The following NOL4 variants were observed in gnomAD, a reference collection of about 807,000 sequenced individuals.
NOL4 encodes cancer/testis antigen 125.
A neutral mutation model predicts 75.9 loss-of-function variants in NOL4; 17 were observed. The ratio of observed to expected loss-of-function variants is 0.22; its 90% confidence interval spans 0.15 to 0.34. The LOEUF is 0.34. Ranked by LOEUF, NOL4 falls within the 10% of genes least tolerant of loss-of-function variation. The pLI, the probability that NOL4 is intolerant of heterozygous loss-of-function variation, is 1.00. For synonymous variants in NOL4, 292 were observed against 289.9 expected, an observed-to-expected ratio of 1.01 and a Z score of -0.07; for missense variants, 614 against 793.5, an observed-to-expected ratio of 0.77 and a Z score of 2.72.
chr18:33,878,161 G>A (rs1021817233), intron 10 of NOL4, among the ~76,000 whole-genome samples: 1 of 152,062 alleles, frequency 6.6e-6, no homozygotes, highest in African/African-American at 2.4e-5. Context: ...AGTCAGGAAG[G>A]ACTTTGGGAG....
chr18:34,161,207 T>G (rs2031422494), intron 1 of NOL4, among the ~76,000 whole-genome samples: 1 of 152,176 alleles, frequency 6.6e-6, no homozygotes, highest in Non-Finnish European at 1.5e-5. Context: ...ATTTTCTTTA[T>G]CCATCTGTTG....
intron 9 of NOL4, among the ~76,000 whole-genome samples, chr18:33,891,986 T>C (rs562798821): frequency 1.3e-5 from 2 of 152,160 alleles, no homozygotes. Flanking sequence ...ATCTGGTCCA[T>C]AGTGACTTTT....
rs1406748999 is a variant in NOL4, at chr18:34,223,055, G to A, written c.199C>T (p.Pro67Ser). 6.2e-7 allele frequency: 1 copy of A among 1,613,806 alleles called. No individual in the cohort carries two copies. The highest frequency in any genetic ancestry group is 8.5e-7 in the Non-Finnish European group (1 of 1,180,022). ...CCGCCTCCCCCGCGGACCTCGTCCG[G>A]CTGGCCCAGCTGGAAGCCCTTCGAT... ...VKSKGFQLGQPDEVRGGGGGA... is the reference protein window; with the variant it reads ...VKSKGFQLGQSDEVRGGGGGA... The change falls in exon 1 of 11, where the codon CCG (proline) becomes TCG (serine). Residue 67 changes from proline (P) to serine (S), a missense_variant. Physicochemically the swap from Pro to Ser is moderately conservative, Grantham distance 74. Transcript: ENST00000261592.
intron 10 of NOL4, among the ~76,000 whole-genome samples, chr18:33,872,866 G>T (rs2063763667): frequency 6.6e-6 from 1 of 151,998 alleles, no homozygotes; most frequent in Non-Finnish European, 1.5e-5. Flanking sequence ...ATTTAAAATA[G>T]GAAAATACTT....
intron 5 of NOL4, among the ~76,000 whole-genome samples, chr18:34,074,527 G>T (rs532621066): frequency 1.3e-5 from 2 of 151,704 alleles, no homozygotes; most frequent in East Asian, 3.9e-4. Flanking sequence ...CATTTTTTAT[G>T]CTTATCTAAA....
At chr18:33,893,113 A>C (rs375133530) in intron 9 of NOL4, among the ~76,000 whole-genome samples, 98 of 152,302 alleles carry the variant, frequency 6.4e-4, no homozygotes, top group Middle Eastern at 3.4e-3. Context: ...TTAAAAATCT[A>C]TAAGAGATTA....
At chr18:34,100,031 T>C (rs1450701259) in intron 4 of NOL4, among the ~76,000 whole-genome samples, 1 of 131,154 alleles carries the variant, frequency 7.6e-6, no homozygotes, top group Admixed American at 8.6e-5. Context: ...TCAAACATCC[T>C]TAGTCTTGCT....
At chr18:34,002,010 G>A (rs1413974932) in intron 6 of NOL4, among the ~76,000 whole-genome samples, 1 of 152,076 alleles carries the variant, frequency 6.6e-6, no homozygotes, top group Non-Finnish European at 1.5e-5. Context: ...ACCTACCTTA[G>A]TGACTTGTAG....
At chr18:34,219,077 T>C (rs960371765) in intron 1 of NOL4, among the ~76,000 whole-genome samples, 8 of 152,184 alleles carry the variant, frequency 5.3e-5, no homozygotes, top group Non-Finnish European at 8.8e-5. Flanking sequence ...GCAAGAACAA[T>C]ATGAAATCTG....
chr18:34,032,754 T>C (rs1009204480), intron 5 of NOL4, among the ~76,000 whole-genome samples: 3 of 152,062 alleles, frequency 2.0e-5, no homozygotes, highest in Non-Finnish European at 2.9e-5. Flanking sequence ...GGCTCAAGAA[T>C]AGGTTTACCT....
chr18:34,090,223 T>C (rs1397915138), intron 5 of NOL4, among the ~76,000 whole-genome samples: 1 of 152,116 alleles, frequency 6.6e-6, no homozygotes, highest in Non-Finnish European at 1.5e-5. Context: ...AATATAATTA[T>C]GGTAAAAAGT....
In NOL4 at chr18:33,996,991, T is replaced by C. The variant is rs753487428; in HGVS notation, c.1056+22327A>G. Reference sequence around the variant, plus strand: ...CTTAGTTTAAGTTCCTTACGCATTCTGGATGTTGAACTTTTGTCAGATGCA... The same window carrying C: ...CTTAGTTTAAGTTCCTTACGCATTCCGGATGTTGAACTTTTGTCAGATGCA... On this transcript the variant is annotated intron_variant, in intron 6 of 10. Coordinates refer to ENST00000261592, the MANE Select transcript of NOL4 (RefSeq NM_003787.5). Among the ~76,000 whole-genome samples, 21 of 151,954 alleles carry C rather than the reference T, an allele frequency of 1.4e-4. 1 individual carries two copies. Among genetic ancestry groups the C allele is most frequent in the Admixed American group, 2.6e-4 (4 of 15,228 alleles).
chr18:33,864,133 T>C (rs1248432697), intron 10 of NOL4, among the ~76,000 whole-genome samples: 1 of 152,158 alleles, frequency 6.6e-6, no homozygotes, highest in African/African-American at 2.4e-5. Flanking sequence ...AAACCATTTG[T>C]TCCTCCTAGA....
chr18:33,876,240 A>T (rs2063928017), intron 10 of NOL4, among the ~76,000 whole-genome samples: 1 of 152,026 alleles, frequency 6.6e-6, no homozygotes, highest in African/African-American at 2.4e-5. Flanking sequence ...TATTTTAATG[A>T]CATTTGTTTT....
chr18:33,939,993 C>T (rs911184279), intron 9 of NOL4, among the ~76,000 whole-genome samples: 17 of 151,972 alleles, frequency 1.1e-4, no homozygotes, highest in Admixed American at 5.9e-4. Context: ...AAATCAAAAC[C>T]ACAATGAGAT....
At chr18:33,867,056 C>T (rs1380625969) in intron 10 of NOL4, among the ~76,000 whole-genome samples, 2 of 152,086 alleles carry the variant, frequency 1.3e-5, no homozygotes, top group South Asian at 2.1e-4. Flanking sequence ...CATAATTCAA[C>T]TTCATTTCTC....
At chr18:33,931,373 C>T (rs773522318) in intron 9 of NOL4, among the ~76,000 whole-genome samples, 20 of 152,118 alleles carry the variant, frequency 1.3e-4, no homozygotes, top group Non-Finnish European at 2.8e-4. Flanking sequence ...AAGTTTACTA[C>T]AAGCCCCGAC....
intron 9 of NOL4, among the ~76,000 whole-genome samples, chr18:33,888,694 G>GA (rs1373150143): frequency 3.3e-5 from 5 of 152,042 alleles, no homozygotes; most frequent in African/African-American, 9.7e-5. Context: ...CCTATTGCTT[G>GA]TTTTTGTCAG....
At chr18:34,116,181 G>T (rs1322341990) in intron 2 of NOL4, among the ~76,000 whole-genome samples, 1 of 151,994 alleles carries the variant, frequency 6.6e-6, no homozygotes, top group Admixed American at 6.6e-5. Flanking sequence ...TCAGCCTCTG[G>T]AGCAATAACA....
Sources: gnomAD v4.1 joint callset for allele counts (sites outside exome capture counted in the v4.1 genomes callset) on GRCh38, gnomAD v4.1.1 for gene constraint, MANE v1.5 for transcripts, NCBI Gene and HGNC (gene_info 2026-07-23, HGNC 2026-07-21) for gene names.